The following C19orf47 variants were observed in gnomAD, a reference collection of about 807,000 sequenced individuals.
C19orf47 encodes the protein uncharacterized protein C19orf47.
C19orf47 carries 18 observed loss-of-function variants against 32.3 expected under a neutral mutation model. That is an observed-to-expected ratio of 0.56 (90% CI 0.39 to 0.83). The LOEUF is 0.83. C19orf47 is among the 40% of genes least tolerant of loss of function. The pLI is 0.00. For missense variants in C19orf47, 484 were observed against 531.6 expected, an observed-to-expected ratio of 0.91 and a Z score of 0.88; for synonymous variants, 202 against 211.1, an observed-to-expected ratio of 0.96 and a Z score of 0.37.
chr19:40,300,232 C>A, the C19orf47 span, among the ~76,000 whole-genome samples: 3 of 151,780 alleles, frequency 2.0e-5, no homozygotes, highest in Non-Finnish European at 4.4e-5. Context: ...TTTGGGAGGC[C>A]AGGGCAGGTG....
At chr19:40,338,332 T>C (rs956599360) in intron 2 of C19orf47, among the ~76,000 whole-genome samples, 1 of 146,786 alleles carries the variant, frequency 6.8e-6, no homozygotes, top group Non-Finnish European at 1.5e-5. Flanking sequence ...AATATATATA[T>C]ACACAAATAT....
chr19:40,345,494 T>C (rs575579642), intron 1 of C19orf47, among the ~76,000 whole-genome samples: 1 of 148,064 alleles, frequency 6.8e-6, no homozygotes, highest in African/African-American at 2.5e-5. Flanking sequence ...AGCCCAGGAT[T>C]TTGAGGCCAG....
At chr19:40,299,853 C>T in the C19orf47 span, among the ~76,000 whole-genome samples, 1 of 152,008 alleles carries the variant, frequency 6.6e-6, no homozygotes, top group African/African-American at 2.4e-5. Flanking sequence ...TGGCGAAACC[C>T]TGTCTCTACT....
chr19:40,340,506 C>A (rs1203306173), intron 2 of C19orf47, among the ~76,000 whole-genome samples: 1 of 150,542 alleles, frequency 6.6e-6, no homozygotes, highest in Non-Finnish European at 1.5e-5. Context: ...CATGGTGAAA[C>A]CCCATCTCTA....
At chr19:40,339,946 G>A (rs1023982660) in intron 2 of C19orf47, among the ~76,000 whole-genome samples, 5 of 147,852 alleles carry the variant, frequency 3.4e-5, no homozygotes, top group African/African-American at 1.3e-4. Flanking sequence ...CTGCATTCCA[G>A]CTTAGGCAAC....
downstream of C19orf47, among the ~76,000 whole-genome samples, chr19:40,316,477 T>C (rs2077662985): frequency 6.6e-6 from 1 of 152,230 alleles, no homozygotes. Context: ...CTGCCTTTTA[T>C]GATGTTGCCC....
chr19:40,334,150 C>T lies in C19orf47; in HGVS notation c.223-221G>A, dbSNP rs117869381. On this transcript the variant is annotated intron_variant, in intron 4 of 8. Transcript: ENST00000683109. ...ATATATATCTGAAGTTCAGCCTCCTCACCTATTGAAAAAATAGGCCAGGTG... is the reference window on the plus strand; with the variant it reads ...ATATATATCTGAAGTTCAGCCTCCTTACCTATTGAAAAAATAGGCCAGGTG... Among the ~76,000 whole-genome samples, 100 of 152,326 alleles carry T rather than the reference C, an allele frequency of 6.6e-4. 2 individuals carry two copies. The East Asian group carries it at 0.018, about 27-fold the overall frequency.
intron 5 of C19orf47, among the ~76,000 whole-genome samples, chr19:40,332,996 G>A (rs1450792029): frequency 6.6e-6 from 1 of 152,114 alleles, no homozygotes; most frequent in African/African-American, 2.4e-5. Context: ...AGTGGCTCAC[G>A]CCTATAATCC....
chr19:40,321,522 G>T lies in C19orf47; in HGVS notation c.*360C>A. On this transcript the variant is annotated 3_prime_UTR_variant, in exon 9 of 9. Coordinates refer to ENST00000683109, the MANE Select transcript of C19orf47 (RefSeq NM_001256441.2). The stretch of plus-strand genomic sequence containing the variant: ...AGTTGAGGGGGACAGGGAGGCTGAT[G>T]AGCTGGGGTCTGAGGCAGCAGACCC... 1 of 1,048,558 alleles carries T rather than the reference G, an allele frequency of 9.5e-7. No individual in the cohort carries two copies. The allele number at this position is 1,048,558 out of a possible 1,614,324, so 65.0% of individuals were successfully genotyped here.
Position 40,326,323 on chromosome 19 carries a change from T to C in C19orf47, c.592+11A>G, listed in dbSNP as rs201939152. The C allele has an allele frequency of 1.2e-6, 2 of 1,613,980 alleles. No individual in the cohort carries two copies. Among genetic ancestry groups the C allele is most frequent in the East Asian group, 4.5e-5 (2 of 44,876 alleles). The stretch of plus-strand genomic sequence containing the variant: ...ACCCCGCAGGGAAGCATGCCCCTGA[T>C]GGGCCAGTACCTTTTGCAGCCTGCT... On this transcript the variant is annotated intron_variant, in intron 7 of 8. Transcript: ENST00000683109.
At chr19:40,312,129 T>G in the C19orf47 span, among the ~76,000 whole-genome samples, 1 of 152,242 alleles carries the variant, frequency 6.6e-6, no homozygotes, top group African/African-American at 2.4e-5. Flanking sequence ...CCACATGCTC[T>G]TCTTACAAGG....
At chr19:40,323,140 G>A (rs1485021202) in intron 8 of C19orf47, among the ~76,000 whole-genome samples, 3 of 152,204 alleles carry the variant, frequency 2.0e-5, no homozygotes, top group Non-Finnish European at 2.9e-5. Context: ...ACATGATCCC[G>A]AGTGTTCCCA....
chr19:40,342,215 C>G (rs1196993250), intron 1 of C19orf47: 2 of 380,856 alleles, frequency 5.3e-6, no homozygotes, highest in South Asian at 4.1e-5. Flanking sequence ...GCCAAGCATG[C>G]TGGCTCATGC....
intron 1 of C19orf47, chr19:40,342,209 A>G (rs900541393): frequency 2.4e-6 from 1 of 410,412 alleles, no homozygotes; most frequent in African/African-American, 2.1e-5. Flanking sequence ...ATACCAGCCA[A>G]GCATGCTGGC....
intron 5 of C19orf47, among the ~76,000 whole-genome samples, chr19:40,331,278 C>T (rs2077947401): frequency 6.6e-6 from 1 of 152,256 alleles, no homozygotes; most frequent in South Asian, 2.1e-4. Context: ...CCACTGTGAA[C>T]AAGCCCAGGC....
chr19:40,322,969 C>A (rs1320729137), intron 8 of C19orf47, among the ~76,000 whole-genome samples: 1 of 152,184 alleles, frequency 6.6e-6, no homozygotes, highest in African/African-American at 2.4e-5. Context: ...CCTCATCAGT[C>A]CAGAGGAACT....
the C19orf47 span, among the ~76,000 whole-genome samples, chr19:40,297,701 G>GAAA: frequency 3.6e-5 from 4 of 110,852 alleles, no homozygotes; most frequent in African/African-American, 4.8e-5. Flanking sequence ...CTCCGTCTCG[G>GAAA]AAAAAAAAAA....
chr19:40,311,833 T>C, the C19orf47 span, among the ~76,000 whole-genome samples: 1 of 152,066 alleles, frequency 6.6e-6, no homozygotes, highest in Non-Finnish European at 1.5e-5. Flanking sequence ...ATTTTTGTAT[T>C]TTTAGTAGAG....
At chr19:40,312,907 C>T in the C19orf47 span, among the ~76,000 whole-genome samples, 1,766 of 152,326 alleles carry the variant, frequency 0.012, 69 homozygotes, top group Admixed American at 0.06. Context: ...GTAACTGGAA[C>T]AACTATGCCA....
Sources: allele counts gnomAD v4.1 joint callset (sites outside exome capture counted in the v4.1 genomes callset), GRCh38; gene constraint gnomAD v4.1.1; transcripts MANE v1.5; gene names NCBI Gene and HGNC (gene_info 2026-07-23, HGNC 2026-07-21).